NKAIN2: variants seen among roughly 807,000 people sequenced by gnomAD.
NKAIN2 encodes the protein sodium/potassium transporting ATPase interacting 2, also known as sodium/potassium-transporting ATPase subunit beta-1-interacting protein 2.
NKAIN2 carries 14 observed loss-of-function variants against 32.6 expected under a neutral mutation model. The ratio of observed to expected loss-of-function variants is 0.43; its 90% CI spans 0.28 to 0.67. The LOEUF (loss-of-function observed/expected upper bound fraction) is 0.67. NKAIN2 is among the 30% of genes least tolerant of loss of function. The pLI is 0.17. For missense variants in NKAIN2, 198 were observed against 258.3 expected (o/e 0.77, Z 1.60); for synonymous variants, 80 against 87.2 (o/e 0.92, Z 0.46).
chr6:124,326,023 G>A (rs11154211), intron 2 of NKAIN2, among the ~76,000 whole-genome samples: 26,313 of 151,466 alleles, frequency 0.17, 2,477 homozygotes, highest in East Asian at 0.32. Flanking sequence ...GGTGACTCCT[G>A]TTTCTGTGTG....
intron 1 of NKAIN2, among the ~76,000 whole-genome samples, chr6:124,069,850 C>T (rs772783101): frequency 1.8e-4 from 27 of 152,262 alleles, no homozygotes; most frequent in Admixed American, 1.2e-3. Context: ...TGCCAAATTC[C>T]AGATGGTCTC....
chr6:124,006,141 G>A (rs1252593929), intron 1 of NKAIN2, among the ~76,000 whole-genome samples: 3 of 152,224 alleles, frequency 2.0e-5, no homozygotes, highest in Non-Finnish European at 4.4e-5. Flanking sequence ...GTTCTCAGGA[G>A]AGGAGCGATG....
intron 2 of NKAIN2, among the ~76,000 whole-genome samples, chr6:124,353,695 C>T (rs1798835012): frequency 1.3e-5 from 2 of 151,560 alleles, no homozygotes; most frequent in South Asian, 4.2e-4. Flanking sequence ...GAGGAGCTCT[C>T]AGTGAGCCGA....
chr6:124,194,798 C>A (rs972947892), intron 1 of NKAIN2, among the ~76,000 whole-genome samples: 2 of 152,008 alleles, frequency 1.3e-5, no homozygotes, highest in Non-Finnish European at 2.9e-5. Flanking sequence ...CCAATAAGAA[C>A]TACTTTCAAA....
chr6:124,116,267 CT>C (rs1785606425), intron 1 of NKAIN2, among the ~76,000 whole-genome samples: 1 of 152,052 alleles, frequency 6.6e-6, no homozygotes. Flanking sequence ...CAGCAGTTTG[CT>C]CTAAGTTGCT....
chr6:123,854,777 A>T (rs551446752), intron 1 of NKAIN2, among the ~76,000 whole-genome samples: 2 of 152,170 alleles, frequency 1.3e-5, no homozygotes, highest in African/African-American at 4.8e-5. Context: ...GGGTGCCCTC[A>T]CTGAACTTTT....
chr6:124,021,725 G>GAT (rs1473307727), intron 1 of NKAIN2, among the ~76,000 whole-genome samples: 2 of 151,576 alleles, frequency 1.3e-5, no homozygotes, highest in East Asian at 1.9e-4. Context: ...TATAGACATA[G>GAT]ATATATATAG....
rs186315735 is a variant in NKAIN2, at chr6:124,625,341, G to C, written c.274-32845G>C. On this transcript the variant is annotated intron_variant, in intron 3 of 6. Transcript: ENST00000368417. ...ATTACATGTCAGTTTCTTAAATAAA[G>C]TGTCTCTCACTGCCACAGCAGGGGA... Among the ~76,000 whole-genome samples, 204 of 152,208 alleles carry C rather than the reference G, an allele frequency of 1.3e-3. 1 individual carries two copies. Among genetic ancestry groups the C allele is most frequent in the African/African-American group, 4.5e-3 (186 of 41,526 alleles).
chr6:124,724,063 G>A (rs1187850747), intron 4 of NKAIN2, among the ~76,000 whole-genome samples: 2 of 152,190 alleles, frequency 1.3e-5, no homozygotes, highest in African/African-American at 4.8e-5. Context: ...GTTTCATAAT[G>A]TTCAGATGTA....
At chr6:124,109,142 G>A (rs1785250996) in intron 1 of NKAIN2, among the ~76,000 whole-genome samples, 1 of 151,830 alleles carries the variant, frequency 6.6e-6, no homozygotes, top group South Asian at 2.1e-4. Flanking sequence ...ATATTGATTT[G>A]GGTGGTTGGA....
At chr6:124,603,224 G>A (rs1782373924) in intron 3 of NKAIN2, among the ~76,000 whole-genome samples, 1 of 151,842 alleles carries the variant, frequency 6.6e-6, no homozygotes, top group South Asian at 2.1e-4. Context: ...ATGCATCCTA[G>A]TATTTTCCCT....
intron 3 of NKAIN2, among the ~76,000 whole-genome samples, chr6:124,515,812 TCCCGAG>T (rs1778891807): frequency 6.1e-4 from 3 of 4,940 alleles, no homozygotes; most frequent in African/African-American, 2.2e-3. Flanking sequence ...TGCCTCAGCC[TCCCGAG>T]TAGCTGGGAC....
At chr6:124,329,885 T>C (rs1414017193) in intron 2 of NKAIN2, among the ~76,000 whole-genome samples, 1 of 152,234 alleles carries the variant, frequency 6.6e-6, no homozygotes, top group Non-Finnish European at 1.5e-5. Context: ...ACATTCTATA[T>C]GGCCTCAGTG....
chr6:124,792,806 G>A (rs985839257), intron 5 of NKAIN2, among the ~76,000 whole-genome samples: 4 of 152,076 alleles, frequency 2.6e-5, no homozygotes, highest in Non-Finnish European at 5.9e-5. Context: ...TGTGCTACAG[G>A]TAGACAGCTG....
chr6:124,373,315 G>A (rs1196642710), intron 3 of NKAIN2, among the ~76,000 whole-genome samples: 1 of 152,056 alleles, frequency 6.6e-6, no homozygotes, highest in Non-Finnish European at 1.5e-5. Flanking sequence ...TTGTTGACAT[G>A]AGAAAGACAG....
intron 3 of NKAIN2, among the ~76,000 whole-genome samples, chr6:124,484,691 A>ATG (rs2114708326): frequency 6.6e-6 from 1 of 152,336 alleles, no homozygotes; most frequent in East Asian, 1.9e-4. Flanking sequence ...ATTCATATAT[A>ATG]TGTGTGTATA....
intron 3 of NKAIN2, among the ~76,000 whole-genome samples, chr6:124,505,299 A>G (rs909421039): frequency 6.6e-6 from 1 of 152,160 alleles, no homozygotes; most frequent in Non-Finnish European, 1.5e-5. Context: ...CTTTCTTAAC[A>G]TATGCTTGAG....
At chr6:123,980,742 A>C (rs981876136) in intron 1 of NKAIN2, among the ~76,000 whole-genome samples, 1 of 152,212 alleles carries the variant, frequency 6.6e-6, no homozygotes, top group Non-Finnish European at 1.5e-5. Context: ...GATACTTAGT[A>C]GATACTTGTT....
intron 1 of NKAIN2, among the ~76,000 whole-genome samples, chr6:123,979,156 A>C (rs1463410642): frequency 6.8e-6 from 1 of 148,054 alleles, no homozygotes; most frequent in African/African-American, 2.7e-5. Flanking sequence ...GACAAATCAG[A>C]AATCAATCTG....
Sources: allele counts gnomAD v4.1 joint callset (sites outside exome capture counted in the v4.1 genomes callset), GRCh38; gene constraint gnomAD v4.1.1; transcripts MANE v1.5; gene names NCBI Gene and HGNC (gene_info 2026-07-23, HGNC 2026-07-21).